Variants in PPP3CA observed in about 807,000 individuals in gnomAD.
PPP3CA encodes the protein CAM-PRP catalytic subunit.
In PPP3CA, 14 loss-of-function variants were observed where a neutral mutation model predicts 66.5. That is an observed-to-expected ratio of 0.21 (90% CI 0.14 to 0.33). The LOEUF is 0.33. Ranked by LOEUF, PPP3CA falls within the 10% of genes least tolerant of loss-of-function variation. The pLI is 1.00. For synonymous variants in PPP3CA, 232 were observed against 226.2 expected, an observed-to-expected ratio of 1.03 and a Z score of -0.23; for missense variants, 317 against 639.5, an observed-to-expected ratio of 0.50 and a Z score of 5.44.
chr4:101,033,195 A>C (rs904237491), intron 11 of PPP3CA, among the ~76,000 whole-genome samples: 1 of 152,044 alleles, frequency 6.6e-6, no homozygotes, highest in African/African-American at 2.4e-5. Context: ...TAACCAGAAA[A>C]AAGTCTTTAA....
chr4:101,195,219 G>C (rs1724748058), intron 2 of PPP3CA, among the ~76,000 whole-genome samples: 1 of 145,562 alleles, frequency 6.9e-6, no homozygotes, highest in Non-Finnish European at 1.5e-5. Context: ...AGTGAGCCGA[G>C]ATTGCACCAT....
intron 1 of PPP3CA, among the ~76,000 whole-genome samples, chr4:101,301,664 T>C (rs1363427691): frequency 6.7e-6 from 1 of 149,078 alleles, no homozygotes; most frequent in African/African-American, 2.4e-5. Context: ...TGGTTAATTT[T>C]TGTATTTTCA....
chr4:101,331,248 G>A (rs1361829840), intron 1 of PPP3CA, among the ~76,000 whole-genome samples: 2 of 152,200 alleles, frequency 1.3e-5, no homozygotes, highest in East Asian at 3.9e-4. Context: ...TTACTCACTA[G>A]GAAACTTTGC....
chr4:101,091,130 G>A (rs1312695620), intron 6 of PPP3CA, among the ~76,000 whole-genome samples: 1 of 151,992 alleles, frequency 6.6e-6, no homozygotes, highest in Non-Finnish European at 1.5e-5. Flanking sequence ...AATGCAACAG[G>A]ACTCAATATC....
intron 2 of PPP3CA, among the ~76,000 whole-genome samples, chr4:101,184,314 T>C (rs1392492788): frequency 6.6e-6 from 1 of 152,146 alleles, no homozygotes; most frequent in Non-Finnish European, 1.5e-5. Context: ...AGGCCCAGAA[T>C]CAGTTCCCTG....
At chr4:101,138,779 G>A (rs1241582764) in intron 2 of PPP3CA, among the ~76,000 whole-genome samples, 3 of 152,086 alleles carry the variant, frequency 2.0e-5, no homozygotes, top group Non-Finnish European at 4.4e-5. Flanking sequence ...TATAATACAT[G>A]AGTATTTTAC....
intron 10 of PPP3CA, among the ~76,000 whole-genome samples, chr4:101,044,637 T>G (rs181841167): frequency 6.6e-6 from 1 of 152,204 alleles, no homozygotes; most frequent in Non-Finnish European, 1.5e-5. Context: ...CTTCTTTTTT[T>G]GGCCTCTCCT....
At chr4:101,189,289 C>T (rs1724512097) in intron 2 of PPP3CA, among the ~76,000 whole-genome samples, 1 of 151,998 alleles carries the variant, frequency 6.6e-6, no homozygotes, top group African/African-American at 2.4e-5. Context: ...TGCAGTTATA[C>T]TAAAATTATT....
intron 1 of PPP3CA, among the ~76,000 whole-genome samples, chr4:101,223,423 A>G (rs1725685277): frequency 6.6e-6 from 1 of 151,848 alleles, no homozygotes. Context: ...TCTAAGGCAC[A>G]GACAGGGTAA....
intron 2 of PPP3CA, among the ~76,000 whole-genome samples, chr4:101,179,083 C>T (rs1724155464): frequency 6.6e-6 from 1 of 151,954 alleles, no homozygotes; most frequent in East Asian, 1.9e-4. Context: ...TATTTGACTC[C>T]CCACAATTTT....
intron 5 of PPP3CA, 98 bp from the exon 6 acceptor site, chr4:101,094,013 C>T: frequency 8.8e-7 from 1 of 1,136,726 alleles, no homozygotes; most frequent in Non-Finnish European, 1.2e-6. Flanking sequence ...CCATCCTCTT[C>T]TCCCCAGCTA....
chr4:101,183,895 A>G, intron 2 of PPP3CA, among the ~76,000 whole-genome samples: 1 of 152,088 alleles, frequency 6.6e-6, no homozygotes, highest in East Asian at 1.9e-4. Context: ...TACCCTATGA[A>G]CCTTGTGCCA....
At chr4:101,326,744 C>G (rs1353402687) in intron 1 of PPP3CA, among the ~76,000 whole-genome samples, 1 of 152,208 alleles carries the variant, frequency 6.6e-6, no homozygotes, top group Non-Finnish European at 1.5e-5. Flanking sequence ...CTTCTAGCTG[C>G]TATACTATTC....
chr4:101,256,242 G>A (rs1386222569), intron 1 of PPP3CA, among the ~76,000 whole-genome samples: 1 of 151,882 alleles, frequency 6.6e-6, no homozygotes, highest in Non-Finnish European at 1.5e-5. Flanking sequence ...AGTCTATAGA[G>A]TTAACTTTTT....
At chr4:101,321,449 TC>T (rs1204364617) in intron 1 of PPP3CA, among the ~76,000 whole-genome samples, 2 of 152,224 alleles carry the variant, frequency 1.3e-5, no homozygotes, top group African/African-American at 4.8e-5. Context: ...TGAAAAGCAA[TC>T]CTTGCCCTCA....
chr4:101,192,006 A>AT (rs979680120), intron 2 of PPP3CA, among the ~76,000 whole-genome samples: 1 of 152,188 alleles, frequency 6.6e-6, no homozygotes, highest in African/African-American at 2.4e-5. Flanking sequence ...GTTCTAAATC[A>AT]TTCTATTCAA....
At chr4:101,137,777 TAATCTAAATGTGTC>T (rs1384167012) in intron 2 of PPP3CA, among the ~76,000 whole-genome samples, 1 of 151,564 alleles carries the variant, frequency 6.6e-6, no homozygotes, top group Non-Finnish European at 1.5e-5. Context: ...CGTTTTCTCC[TAATCTAAATGTGTC>T]ATAAGAAAGA....
chr4:101,058,976 T>C (rs1728345264), intron 10 of PPP3CA, among the ~76,000 whole-genome samples: 1 of 152,116 alleles, frequency 6.6e-6, no homozygotes, highest in African/African-American at 2.4e-5. Flanking sequence ...TACTGGCCAG[T>C]GGACTTTGCA....
intron 9 of PPP3CA, among the ~76,000 whole-genome samples, chr4:101,061,481 T>G (rs1728459231): frequency 1.3e-5 from 2 of 152,102 alleles, no homozygotes; most frequent in South Asian, 4.1e-4. Context: ...GAATTTTTAT[T>G]AGTCACACAA....
Sources: gnomAD v4.1 joint callset for allele counts (sites outside exome capture counted in the v4.1 genomes callset) on GRCh38, gnomAD v4.1.1 for gene constraint, MANE v1.5 for transcripts, NCBI Gene and HGNC (gene_info 2026-07-23, HGNC 2026-07-21) for gene names.